The following PKD1 variants were observed in gnomAD, a reference collection of about 807,000 sequenced individuals.
The protein encoded by PKD1 is polycystin-1.
In PKD1, 81 loss-of-function variants were observed where a neutral mutation model predicts 361.7. The observed-to-expected ratio is 0.22, with a 90% confidence interval of 0.19 to 0.27. The LOEUF (loss-of-function observed/expected upper bound fraction) is 0.27, where lower values mean the gene tolerates loss of function less well. Ranked by LOEUF, PKD1 falls within the 10% of genes least tolerant of loss-of-function variation. The pLI, the probability that PKD1 is intolerant of heterozygous loss-of-function variation, is 1.00. For missense variants in PKD1, 6,399 were observed against 6,118.3 expected, an observed-to-expected ratio of 1.05 and a Z score of -1.53; for synonymous variants, 3,615 against 2,818.3, an observed-to-expected ratio of 1.28 and a Z score of -8.95.
In PKD1 at chr16:2,093,820, C is replaced by A; in HGVS notation, c.10812G>T (p.Glu3604Asp). 6.4e-7 allele frequency: 1 copy of A among 1,556,140 alleles called. No homozygotes were observed. Among genetic ancestry groups the A allele is most frequent in the African/African-American group, 1.4e-5 (1 of 73,630 alleles). Residue 3604 changes from glutamate to aspartate, a missense_variant, in exon 36 of 46, where the codon GAG (glutamate) becomes GAT (aspartate). Coordinates refer to ENST00000262304, the MANE Select transcript of PKD1 (RefSeq NM_001009944.3). The part of the protein sequence containing the change: ...ASFLASFLGW[E>D]PLKVLLEALY... ...CTGGCAGCCCCCTCACCTTCAGTGG[C>A]TCCCAGCCGAGGAATGAGGCCAGGA...
rs2092554830 is a variant in PKD1 at position 2,112,853 on chromosome 16, G to A, written c.3096C>T (p.Ser1032=). The A allele has an allele frequency of 6.2e-7, 1 of 1,605,536 alleles. No homozygotes were observed. Among genetic ancestry groups the A allele is most frequent in the East Asian group, 2.2e-5 (1 of 44,884 alleles). ...CCGTCAGTGCTAGCGTGGCATTGGGGGACAGCACGGCCGGCACTGTGGAGA... is the reference window on the plus strand; with the variant it reads ...CCGTCAGTGCTAGCGTGGCATTGGGAGACAGCACGGCCGGCACTGTGGAGA... The part of the protein sequence containing the change: ...LQVSTVPAVL[S]PNATLALTAG... The change falls in exon 13 of 46, where the codon TCC becomes TCT. Residue 1032 remains serine, a synonymous_variant. Transcript: ENST00000262304.
Position 2,088,881 on chromosome 16 carries a change from GCACACACACA to G in PKD1, c.*836_*845del, listed in dbSNP as rs56279647. The G allele has an allele frequency of 7.1e-6, 3 of 421,378 alleles. No homozygotes were observed. Among genetic ancestry groups the G allele is most frequent in the South Asian group, 2.4e-5 (1 of 41,016 alleles). The allele number at this position is 421,378 out of a possible 1,614,324, so 26.1% of individuals were successfully genotyped here. A position where few individuals can be genotyped will look rare whatever the true frequency, so the allele number is the denominator to read the frequency against. ...ACAGCACACTCGCGCGTGCGCGCGCGCACACACACACACACACAGTCACCTTCCTCCACCC... is the reference window on the plus strand; with the variant it reads ...ACAGCACACTCGCGCGTGCGCGCGCGCACACACAGTCACCTTCCTCCACCC... On this transcript the variant is annotated 3_prime_UTR_variant, in exon 46 of 46. Transcript: ENST00000262304.
chr16:2,101,973 C>T (rs939126262), intron 26 of PKD1, 88 bp downstream of exon 26: 25 of 803,254 alleles, frequency 3.1e-5, no homozygotes, highest in African/African-American at 3.4e-5. Context: ...CTTGTTCTGA[C>T]GCCTGCGACG....
intron 23 of PKD1, 35 bp from the exon 24 acceptor site, chr16:2,103,005 G>A (rs765499737): frequency 1.3e-6 from 2 of 1,597,824 alleles, no homozygotes; most frequent in South Asian, 2.2e-5. Flanking sequence ...CGCCTGCCGG[G>A]AAGCTCAACC....
intron 38 of PKD1, 148 bp from the exon 39 acceptor site, chr16:2,092,740 C>G: frequency 3.6e-6 from 3 of 830,042 alleles, no homozygotes; most frequent in Non-Finnish European, 6.0e-6. Context: ...TGGGGATGTT[C>G]TGGGGCAGAC....
At chr16:2,105,140 G>A (rs1381284464) in intron 21 of PKD1, among the ~76,000 whole-genome samples, 182 bp downstream of exon 21, 1 of 150,184 alleles carries the variant, frequency 6.7e-6, no homozygotes, top group African/African-American at 2.4e-5. Flanking sequence ...GGCACCCTGC[G>A]TTCACACAGG....
chr16:2,109,285 G>C lies in PKD1; in HGVS notation c.5882C>G (p.Ala1961Gly), dbSNP rs375440448. 4 of 1,583,378 alleles carry C rather than the reference G, an allele frequency of 2.5e-6. No homozygotes were observed. The highest frequency in any genetic ancestry group is 3.4e-6 in the Non-Finnish European group (4 of 1,166,594). The change falls in exon 15 of 46, where the codon GCG becomes GGG. Residue 1961 changes from alanine to glycine, a missense_variant. Ala to Gly is a moderately conservative substitution (Grantham distance 60). Coordinates refer to ENST00000262304, the MANE Select transcript of PKD1 (RefSeq NM_001009944.3). ...CTCCAGCACCACGATGCGCACCTGC[G>C]CCTGGGCCCAGCTCACGTGGTTTTT... ...RGKNHVSWAQAQVRIVVLEAV... is the reference protein window; with the variant it reads ...RGKNHVSWAQGQVRIVVLEAV...
intron 1 of PKD1, chr16:2,131,883 A>T (rs1240405400): frequency 6.6e-6 from 1 of 152,220 alleles, no homozygotes; most frequent in East Asian, 1.9e-4. Context: ...TTCACAACGA[A>T]TTGATCACAG....
chr16:2,097,271 C>CAGCTGCA (rs770023156), intron 33 of PKD1, 30 bp from the exon 34 acceptor site: 3 of 1,605,656 alleles, frequency 1.9e-6, no homozygotes. Flanking sequence ...AGGGTGGGCC[C>CAGCTGCA]AGCTGCAAGG....
rs754291314 is a variant in PKD1 at position 2,109,773 on chromosome 16, C to T, written c.5394G>A (p.Val1798=). 6.2e-7 allele frequency: 1 copy of T among 1,610,016 alleles called. No homozygotes were observed. Among genetic ancestry groups the T allele is most frequent in the South Asian group, 1.1e-5 (1 of 90,878 alleles). The change falls in exon 15 of 46, where the codon GTG becomes GTA. Residue 1798 remains valine (V), a synonymous_variant. Transcript: ENST00000262304. ...TGCTGAGGCCACTCACAGGCACCTG[C>T]ACATCCACTTCCACGGTGGCGTTGG... ...GSANATVEVD[V]QVPVSGLSIR...
At chr16:2,121,416 GGAAA>G (rs1303265014) in intron 1 of PKD1, among the ~76,000 whole-genome samples, 1 of 151,872 alleles carries the variant, frequency 6.6e-6, no homozygotes, top group Non-Finnish European at 1.5e-5. Context: ...GAGGGAGGGA[GGAAA>G]GAAAGAGAAA....
chr16:2,116,482 CA>C (rs2092638535), intron 8 of PKD1, 46 bp downstream of exon 8: 1 of 1,095,222 alleles, frequency 9.1e-7, no homozygotes, highest in African/African-American at 1.6e-5. Flanking sequence ...GCAAGGCCTC[CA>C]GGGGCAGGCA....
At position 2,109,565 on chromosome 16, in the gene PKD1, C is replaced by T. The variant is rs753398195; in HGVS notation, c.5602G>A (p.Ala1868Thr). ...DAGTFSIRLN[A>T]SNAVSWVSAT... ...GAGACCCAGCTGACTGCGTTGGAGGCATTGAGCCGGATGGAGAAGGTGCCA... is the reference window on the plus strand; with the variant it reads ...GAGACCCAGCTGACTGCGTTGGAGGTATTGAGCCGGATGGAGAAGGTGCCA... The change falls in exon 15 of 46, where the codon GCC becomes ACC. Residue 1868 changes from alanine (A) to threonine (T), a missense_variant. Ala to Thr is a moderately conservative substitution (Grantham distance 58). Transcript: ENST00000262304. The T allele has an allele frequency of 6.2e-7, 1 of 1,611,624 alleles. No individual in the cohort carries two copies. Among genetic ancestry groups the T allele is most frequent in the Non-Finnish European group, 8.5e-7 (1 of 1,179,584 alleles).
chr16:2,118,258 A>G lies in PKD1; in HGVS notation c.734T>C (p.Leu245Pro), dbSNP rs1166575377. ...AQPSSASFAC[L>P]SLCSGPPPPP... ...TGGCGGGGGGCCGGAGCAGAGGGAC[A>G]GGCAGGCAAAGGAGGCACTGGAGGG... Residue 245 changes from leucine (L) to proline (P), a missense_variant, in exon 5 of 46, where the codon CTG becomes CCG. Physicochemically the swap from Leu to Pro is moderately conservative, Grantham distance 98 (BLOSUM62 -3). Transcript: ENST00000262304. The surrounding 1 kb of genome is among the most constrained non-coding windows in gnomAD (Gnocchi z 6.0). The G allele has an allele frequency of 6.5e-7, 1 of 1,532,940 alleles. No individual in the cohort carries two copies. The highest frequency in any genetic ancestry group is 8.7e-7 in the Non-Finnish European group (1 of 1,144,708). 95.0% of individuals were successfully genotyped at this position (1,532,940 alleles called of 1,614,324 possible). A position where few individuals can be genotyped will look rare whatever the true frequency, so the allele number is the denominator to read the frequency against.
Position 2,097,695 on chromosome 16 carries a change from C to T in PKD1, c.10220+33G>A, listed in dbSNP as rs755957931. On this transcript the variant is annotated intron_variant, in intron 32 of 45. Coordinates refer to ENST00000262304, the MANE Select transcript of PKD1 (RefSeq NM_001009944.3). ...CCGGCACCCCAGACACAGTGACCTG[C>T]ACCAGGGCTCGAGGTTTCTCTAGGG... 7.9e-5 allele frequency: 127 copies of T among 1,610,818 alleles called. No individual in the cohort carries two copies. In the Admixed American group the frequency reaches 2.0e-3, roughly 26 times the overall value.
intron 16 of PKD1, chr16:2,107,665 G>A (rs1448432275): frequency 1.4e-5 from 9 of 625,630 alleles, no homozygotes; most frequent in Non-Finnish European, 2.3e-5. Flanking sequence ...TGTAGCTTTT[G>A]CCACTAGAGC....
chr16:2,110,646 C>G lies in PKD1; in HGVS notation c.4521G>C (p.Trp1507Cys). The change falls in exon 15 of 46, where the codon TGG (tryptophan) becomes TGC (cysteine). Residue 1507 changes from tryptophan to cysteine, a missense_variant. Transcript: ENST00000262304. ...CGTGGGTGACCTCCGGACCCTCGAG[C>G]CACCCACCGTCCCCCAGATCCCACA... ...SYLWDLGDGG[W>C]LEGPEVTHAY... 1 of 1,610,056 alleles carries G rather than the reference C, an allele frequency of 6.2e-7. No individual in the cohort carries two copies. The highest frequency in any genetic ancestry group is 8.5e-7 in the Non-Finnish European group (1 of 1,179,310).
rs759092782 is a variant in PKD1, at chr16:2,116,837, G to A, written c.1602C>T (p.Pro534=). Residue 534 remains proline, a synonymous_variant, in exon 7 of 46, where the codon CCC becomes CCT. Transcript: ENST00000262304. The stretch of plus-strand genomic sequence containing the variant: ...CCTGCCTGGCCCCCCGCACACCTCC[G>A]GGCTGCAGCTCGCAGACGTAGCTGT... ...APHSYVCELQ[P]GGPVQDAENL... The A allele has an allele frequency of 6.7e-5, 103 of 1,527,312 alleles. No homozygotes were observed. Among genetic ancestry groups the A allele is most frequent in the African/African-American group, 4.7e-4 (34 of 72,834 alleles). The allele number at this position is 1,527,312 out of a possible 1,614,324, so 94.6% of individuals were successfully genotyped here.
In PKD1 at chr16:2,115,197, G is replaced by A. The variant is rs556328528; in HGVS notation, c.2097+181C>T. On this transcript the variant is annotated intron_variant, in intron 10 of 45. Transcript: ENST00000262304. ...CACAGCTCGTGCCAAGGGCCCAGGC[G>A]AGAGCTTCTCCCACTGGGAGAGGGC... is the stretch of plus-strand genomic sequence containing the variant. 20 of 604,442 alleles carry A rather than the reference G, an allele frequency of 3.3e-5. No homozygotes were observed. The South Asian group carries it at 1.4e-3, about 42-fold the overall frequency. The allele number at this position is 604,442 out of a possible 1,614,324, so 37.4% of individuals were successfully genotyped here. A position where few individuals can be genotyped will look rare whatever the true frequency, so the allele number is the denominator to read the frequency against.
Sources: gnomAD v4.1 joint callset for allele counts (sites outside exome capture counted in the v4.1 genomes callset) on GRCh38, gnomAD v4.1.1 for gene constraint, Gnocchi (gnomAD v3.1) non-coding constraint, MANE v1.5 for transcripts, NCBI Gene and HGNC (gene_info 2026-07-23, HGNC 2026-07-21) for gene names.